GPAT3: variants seen among roughly 807,000 people sequenced by gnomAD.
The protein encoded by GPAT3 is glycerol-3-phosphate acyltransferase 3.
GPAT3 carries 53 observed loss-of-function variants against 58.8 expected under a neutral mutation model. That is an observed-to-expected ratio of 0.90 (90% CI 0.72 to 1.13). GPAT3 has a LOEUF of 1.13. Ranked by LOEUF, GPAT3 falls within the 50% of genes most tolerant of loss-of-function variation. The probability of loss-of-function intolerance (pLI) is 0.00; values close to 1 mark genes in which losing one functional copy is unlikely to be tolerated. For missense variants in GPAT3, 511 were observed against 527.6 expected, an observed-to-expected ratio of 0.97 and a Z score of 0.31; for synonymous variants, 197 against 187.4, an observed-to-expected ratio of 1.05 and a Z score of -0.42.
chr4:83,597,920 T>A (rs1726906371), intron 9 of GPAT3, 131 bp from the exon 10 acceptor site: 2 of 1,050,266 alleles, frequency 1.9e-6, no homozygotes, highest in Non-Finnish European at 1.4e-6. Flanking sequence ...TTTGATAAAT[T>A]CCATCAAGTG....
At chr4:83,580,877 A>G (rs1726089596) in intron 2 of GPAT3, among the ~76,000 whole-genome samples, 1 of 152,062 alleles carries the variant, frequency 6.6e-6, no homozygotes, top group East Asian at 1.9e-4. Context: ...CAGGCAGATC[A>G]CGAGGTCAGG....
intron 2 of GPAT3, among the ~76,000 whole-genome samples, chr4:83,551,403 G>A (rs951995470): frequency 3.3e-5 from 5 of 152,050 alleles, no homozygotes; most frequent in African/African-American, 1.2e-4. Flanking sequence ...ATACTATAGG[G>A]CAGTATATTG....
intron 10 of GPAT3, 46 bp from the exon 11 acceptor site, chr4:83,598,598 C>A: frequency 6.8e-7 from 1 of 1,470,128 alleles, no homozygotes; most frequent in Non-Finnish European, 9.4e-7. Flanking sequence ...GTATTAAAAA[C>A]TCGATAACTA....
At chr4:83,559,426 C>T (rs146327710) in intron 2 of GPAT3, among the ~76,000 whole-genome samples, 2,387 of 152,126 alleles carry the variant, frequency 0.016, 58 homozygotes, top group African/African-American at 0.054. Context: ...CAGGTTCAAG[C>T]GATTCTCCTG....
At chr4:83,590,742 A>G (rs552384900) in intron 6 of GPAT3, among the ~76,000 whole-genome samples, 91 of 152,332 alleles carry the variant, frequency 6.0e-4, no homozygotes, top group Non-Finnish European at 1.1e-3. Flanking sequence ...GCAAATATTT[A>G]TATCAGGTTG....
intron 2 of GPAT3, among the ~76,000 whole-genome samples, chr4:83,545,243 C>A (rs529389954): frequency 3.9e-5 from 6 of 152,092 alleles, no homozygotes; most frequent in Non-Finnish European, 8.8e-5. Context: ...GAGTTCAAGA[C>A]CAGCCTGGGC....
At chr4:83,539,524 A>G (rs1198343735) in intron 1 of GPAT3, among the ~76,000 whole-genome samples, 7 of 152,202 alleles carry the variant, frequency 4.6e-5, no homozygotes. Context: ...AAATGTGTGT[A>G]GGGTACCCTC....
rs1280346020 is a variant in GPAT3, at chr4:83,573,109, T to A, written c.209-8453T>A. On this transcript the variant is annotated intron_variant, in intron 2 of 11. Coordinates refer to ENST00000264409, the MANE Select transcript of GPAT3 (RefSeq NM_032717.5). ...TGTCCTTGGTACTAGCTTGTTAAGA[T>A]GGTATAATGATCTTTTATTTTATTT... Among the ~76,000 whole-genome samples, 5 of 152,286 alleles carry A rather than the reference T, an allele frequency of 3.3e-5. No individual in the cohort carries two copies. In the South Asian group the frequency reaches 8.3e-4, roughly 25 times the overall value.
chr4:83,564,374 C>T (rs10034028), intron 2 of GPAT3, among the ~76,000 whole-genome samples: 6,261 of 152,112 alleles, frequency 0.041, 461 homozygotes, highest in African/African-American at 0.14. Context: ...GTCAGGCTAT[C>T]CTGTTTGTTT....
At chr4:83,604,163 C>T (rs574799257) in intron 11 of GPAT3, among the ~76,000 whole-genome samples, 74 of 152,248 alleles carry the variant, frequency 4.9e-4, no homozygotes, top group African/African-American at 1.8e-3. Flanking sequence ...CCTCCACCTC[C>T]CGGGTTCAAG....
intron 7 of GPAT3, among the ~76,000 whole-genome samples, chr4:83,596,250 A>G (rs926328545): frequency 6.6e-6 from 1 of 152,178 alleles, no homozygotes; most frequent in Non-Finnish European, 1.5e-5. Flanking sequence ...CATGACACAG[A>G]GGCTCTAGAG....
chr4:83,587,288 G>C lies in GPAT3; in HGVS notation c.513G>C (p.Leu171=), dbSNP rs772442105. The C allele has an allele frequency of 3.7e-6, 6 of 1,613,810 alleles. No homozygotes were observed. In the African/African-American group the frequency reaches 8.0e-5, roughly 22 times the overall value. Residue 171 remains leucine (L), a synonymous_variant, in exon 4 of 12, where the codon CTG becomes CTC. Transcript: ENST00000264409. ...VTLAFIGISL[L]VIGTTLVGQL... Reference sequence around the variant, plus strand: ...TGGCTTTCATTGGGATCAGTTTGCTGGTTATAGGAACTACACTGGTTGGGC... The same window carrying C: ...TGGCTTTCATTGGGATCAGTTTGCTCGTTATAGGAACTACACTGGTTGGGC...
At chr4:83,539,060 G>A (rs76020017) in intron 1 of GPAT3, among the ~76,000 whole-genome samples, 1,634 of 152,298 alleles carry the variant, frequency 0.011, 32 homozygotes, top group African/African-American at 0.038. Flanking sequence ...TCTGCTTTAG[G>A]TGCAGGAGAA....
At chr4:83,561,860 T>C (rs1463430575) in intron 2 of GPAT3, among the ~76,000 whole-genome samples, 5 of 151,390 alleles carry the variant, frequency 3.3e-5, no homozygotes, top group Non-Finnish European at 2.9e-5. Flanking sequence ...CTTATCTCCA[T>C]AGGACAAGCA....
At chr4:83,562,201 T>TATATTATATATATATA (rs1725171700) in intron 2 of GPAT3, among the ~76,000 whole-genome samples, 1 of 34,404 alleles carries the variant, frequency 2.9e-5, no homozygotes, top group African/African-American at 2.0e-4. Flanking sequence ...ATATATATAA[T>TATATTATATATATATA]ATATATATAT....
In GPAT3 at chr4:83,536,650, A is replaced by C. The variant is rs746361242; in HGVS notation, c.28A>C (p.Ile10Leu). 3 of 1,613,000 alleles carry C rather than the reference A, an allele frequency of 1.9e-6. No individual in the cohort carries two copies. In the Admixed American group the frequency reaches 5.0e-5, roughly 27 times the overall value. The change falls in exon 1 of 12, where the codon ATC (isoleucine) becomes CTC (leucine). Residue 10 changes from isoleucine (I) to leucine (L), a missense_variant. Physicochemically the swap from Ile to Leu is conservative, Grantham distance 5. Transcript: ENST00000264409. The stretch of plus-strand genomic sequence containing the variant: ...GGAGGGCGCAGAGCTGGCCGGGAAG[A>C]TCCTTTCCACCTGGCTGACGCTGGT... The part of the protein sequence containing the change: MEGAELAGK[I>L]LSTWLTLVLG...
chr4:83,568,510 CTT>C (rs149388912), intron 2 of GPAT3, among the ~76,000 whole-genome samples: 7 of 141,652 alleles, frequency 4.9e-5, no homozygotes, highest in Admixed American at 7.0e-5. Flanking sequence ...TTTGTATTCA[CTT>C]TTTTTTTTTT....
intron 2 of GPAT3, among the ~76,000 whole-genome samples, chr4:83,549,704 G>C (rs905358893): frequency 1.1e-4 from 12 of 111,026 alleles, no homozygotes; most frequent in Admixed American, 5.3e-4. Context: ...GCTAATTTTT[G>C]TATATATTTA....
At position 83,588,312 on chromosome 4, in the gene GPAT3, T is replaced by TG. The variant is rs11394944; in HGVS notation, c.644+13_644+14insG. The TG allele has an allele frequency of 0.99, 1,601,424 of 1,610,480 alleles. 796,229 individuals carry two copies. The highest frequency in any genetic ancestry group is 1 in the East Asian group (44,815 of 44,816). On this transcript the variant is annotated intron_variant, in intron 5 of 11. Coordinates refer to ENST00000264409, the MANE Select transcript of GPAT3 (RefSeq NM_032717.5). ...ATTATCATAACAAGTGAGTATCTGC[T>TG]CCAATGTGCCTGTCTTTTTCTAGGT...
Sources: gnomAD v4.1 joint callset for allele counts (sites outside exome capture counted in the v4.1 genomes callset) on GRCh38, gnomAD v4.1.1 for gene constraint, MANE v1.5 for transcripts, NCBI Gene and HGNC (gene_info 2026-07-23, HGNC 2026-07-21) for gene names.